Variants in SNX14 observed in about 807,000 individuals in gnomAD.
SNX14 encodes the protein sorting nexin 14.
A neutral mutation model predicts 133.8 loss-of-function variants in SNX14; 93 were observed. That is an observed-to-expected ratio of 0.70 (90% confidence interval 0.59 to 0.83). The LOEUF is 0.83. Among genes scored for constraint, SNX14 ranks in the 40% least tolerant of loss-of-function variants. SNX14 has a pLI of 0.00. For missense variants in SNX14, 945 were observed against 1,094.9 expected (o/e 0.86, Z 1.93); for synonymous variants, 368 against 365.6 (o/e 1.01, Z -0.07).
At chr6:85,514,836 T>C (rs1474455147) in intron 23 of SNX14, among the ~76,000 whole-genome samples, 2 of 152,112 alleles carry the variant, frequency 1.3e-5, no homozygotes, top group Non-Finnish European at 1.5e-5. Context: ...AAATATTACA[T>C]AAAAACTAAA....
chr6:85,522,135 C>T (rs1015320612), intron 21 of SNX14, among the ~76,000 whole-genome samples: 4 of 152,166 alleles, frequency 2.6e-5, no homozygotes, highest in Non-Finnish European at 5.9e-5. Flanking sequence ...GTGGCTACTT[C>T]GTAGGAGTTC....
chr6:85,586,242 C>T (rs922085316), intron 1 of SNX14, among the ~76,000 whole-genome samples: 5 of 152,070 alleles, frequency 3.3e-5, no homozygotes, highest in Admixed American at 3.3e-4. Context: ...TTTGTATGCC[C>T]CTCATACTAA....
At chr6:85,577,604 A>G (rs1271449978) in intron 1 of SNX14, among the ~76,000 whole-genome samples, 1 of 152,180 alleles carries the variant, frequency 6.6e-6, no homozygotes, top group East Asian at 1.9e-4. Flanking sequence ...ATCAACATAA[A>G]TATCACTGAA....
intron 1 of SNX14, among the ~76,000 whole-genome samples, chr6:85,585,170 G>C (rs1164305029): frequency 6.6e-6 from 1 of 152,142 alleles, no homozygotes; most frequent in Non-Finnish European, 1.5e-5. Context: ...TTACTCATAA[G>C]TGGGAGTTGA....
chr6:85,575,315 T>G (rs1796971345), intron 1 of SNX14, among the ~76,000 whole-genome samples: 1 of 152,190 alleles, frequency 6.6e-6, no homozygotes, highest in African/African-American at 2.4e-5. Flanking sequence ...ACAGTATTAT[T>G]TATTAACTGT....
intron 6 of SNX14, chr6:85,561,398 T>A (rs1220859177): frequency 6.6e-6 from 1 of 152,036 alleles, no homozygotes; most frequent in Non-Finnish European, 1.5e-5. Context: ...ACTGTTCAAT[T>A]AACTAACGTT....
chr6:85,575,278 C>G (rs1178225636), intron 1 of SNX14, among the ~76,000 whole-genome samples: 1 of 152,178 alleles, frequency 6.6e-6, no homozygotes. Context: ...ACCAGTCCCC[C>G]ACAACACAGT....
chr6:85,557,925 A>G, intron 7 of SNX14, 51 bp downstream of exon 7: 1 of 977,078 alleles, frequency 1.0e-6, no homozygotes, highest in Non-Finnish European at 1.6e-6. Flanking sequence ...TCGGGTGAAA[A>G]TTGGTGTATA....
chr6:85,514,895 T>G (rs1774254992), intron 23 of SNX14, among the ~76,000 whole-genome samples: 1 of 152,136 alleles, frequency 6.6e-6, no homozygotes, highest in Non-Finnish European at 1.5e-5. Flanking sequence ...TAAAGACCCC[T>G]TTGTTTTTAC....
chr6:85,527,800 G>A (rs901307681), intron 20 of SNX14, among the ~76,000 whole-genome samples: 5 of 151,674 alleles, frequency 3.3e-5, no homozygotes, highest in African/African-American at 1.2e-4. Context: ...CCAGGAAATT[G>A]GAAAAATATC....
At chr6:85,512,145 A>C (rs1403400589) in intron 26 of SNX14, among the ~76,000 whole-genome samples, 3 of 152,088 alleles carry the variant, frequency 2.0e-5, no homozygotes, top group Non-Finnish European at 4.4e-5. Context: ...TTTCCCTTCC[A>C]TCAGGTCAGT....
intron 5 of SNX14, 87 bp from the exon 6 acceptor site, chr6:85,565,506 C>T: frequency 1.1e-6 from 1 of 878,520 alleles, no homozygotes; most frequent in South Asian, 1.8e-5. Context: ...TTCCTTTTTT[C>T]TGTTTACTTA....
At chr6:85,566,099 G>A (rs530514359) in intron 5 of SNX14, among the ~76,000 whole-genome samples, 4 of 152,216 alleles carry the variant, frequency 2.6e-5, no homozygotes, top group Non-Finnish European at 4.4e-5. Flanking sequence ...CCCTACAGAA[G>A]GGGATATTAC....
intron 4 of SNX14, among the ~76,000 whole-genome samples, chr6:85,570,365 T>C (rs1398558055): frequency 6.7e-6 from 1 of 149,342 alleles, no homozygotes; most frequent in African/African-American, 2.6e-5. Flanking sequence ...AATAATACTC[T>C]TGTTAGAAGT....
intron 16 of SNX14, among the ~76,000 whole-genome samples, chr6:85,537,508 T>C (rs1302215257): frequency 1.3e-5 from 2 of 152,238 alleles, no homozygotes; most frequent in Admixed American, 6.5e-5. Context: ...TATTAAATGT[T>C]GGTTTTGCCA....
At chr6:85,576,306 T>C (rs1467344671) in intron 1 of SNX14, among the ~76,000 whole-genome samples, 1 of 152,128 alleles carries the variant, frequency 6.6e-6, no homozygotes, top group East Asian at 1.9e-4. Context: ...ATTCATGAAG[T>C]TCAAATGGGA....
intron 21 of SNX14, among the ~76,000 whole-genome samples, chr6:85,521,415 T>A (rs572634594): frequency 6.6e-6 from 1 of 152,232 alleles, no homozygotes; most frequent in South Asian, 2.1e-4. Flanking sequence ...TTTGTTGTTT[T>A]TTTTTCGTAG....
chr6:85,546,024 A>G (rs905809813), intron 12 of SNX14, among the ~76,000 whole-genome samples: 2 of 152,216 alleles, frequency 1.3e-5, no homozygotes, highest in Admixed American at 6.5e-5. Flanking sequence ...AACTTTAAAA[A>G]GCATTATCCT....
rs1373576493 is a variant in SNX14 at position 85,560,652 on chromosome 6, A to G, written c.550-2592T>C. ...CATGGTATGTAAATTATATCTCAAT[A>G]AAACTATTAACAAACTACATACATA... On this transcript the variant is annotated intron_variant, in intron 6 of 28. Coordinates refer to ENST00000314673, the MANE Select transcript of SNX14 (RefSeq NM_153816.6). 3.9e-5 allele frequency among the ~76,000 whole-genome samples: 6 copies of G among 152,346 alleles called. No homozygotes were observed. In the South Asian group the frequency reaches 6.2e-4, roughly 16 times the overall value.
Sources: allele counts gnomAD v4.1 joint callset (sites outside exome capture counted in the v4.1 genomes callset), GRCh38; gene constraint gnomAD v4.1.1; transcripts MANE v1.5; gene names NCBI Gene and HGNC (gene_info 2026-07-23, HGNC 2026-07-21).